Variants in HS3ST4 observed in about 807,000 individuals in gnomAD.
HS3ST4 encodes the protein heparan sulfate glucosamine 3-O-sulfotransferase 4.
In HS3ST4, 17 loss-of-function variants were observed where a neutral mutation model predicts 29.2. The ratio of observed to expected loss-of-function variants is 0.58; its 90% CI spans 0.40 to 0.87. The LOEUF (loss-of-function observed/expected upper bound fraction) is 0.87. Among genes scored for constraint, HS3ST4 ranks in the 40% least tolerant of loss-of-function variants. The pLI is 0.00. For synonymous variants in HS3ST4, 314 were observed against 285.7 expected (o/e 1.10, Z -1.00); for missense variants, 627 against 634.5 (o/e 0.99, Z 0.13).
rs371486866 is a variant in HS3ST4 at position 26,003,409 on chromosome 16, T to C, written c.735-132203T>C. ...GCTAATTTTCTCCAGGGATAATGAG[T>C]TCCAGGGATGGTTGGATCCTGGTAC... is the stretch of plus-strand genomic sequence containing the variant. On this transcript the variant is annotated intron_variant, in intron 1 of 1. Transcript: ENST00000331351. Among the ~76,000 whole-genome samples the C allele has an allele frequency of 1.1e-4, 16 of 152,314 alleles. No individual in the cohort carries two copies. The East Asian group carries it at 2.7e-3, about 26-fold the overall frequency.
intron 1 of HS3ST4, among the ~76,000 whole-genome samples, chr16:26,095,574 CA>C (rs1898913478): frequency 6.6e-6 from 1 of 152,144 alleles, no homozygotes; most frequent in South Asian, 2.1e-4. Context: ...CCAGTGAGAA[CA>C]AAGACACAAA....
intron 1 of HS3ST4, among the ~76,000 whole-genome samples, chr16:25,898,365 C>A (rs1311513847): frequency 6.6e-6 from 1 of 152,172 alleles, no homozygotes; most frequent in East Asian, 1.9e-4. Flanking sequence ...CTTTGTGAGA[C>A]CAATCTGATC....
At chr16:25,834,011 T>G (rs563855751) in intron 1 of HS3ST4, among the ~76,000 whole-genome samples, 25 of 152,182 alleles carry the variant, frequency 1.6e-4, no homozygotes, top group African/African-American at 6.0e-4. Flanking sequence ...GAAGATTAAT[T>G]GGCAAATTTG....
intron 1 of HS3ST4, among the ~76,000 whole-genome samples, chr16:25,732,261 A>G (rs1438904431): frequency 6.6e-6 from 1 of 152,154 alleles, no homozygotes; most frequent in Non-Finnish European, 1.5e-5. Flanking sequence ...AATAAGCATT[A>G]GTAAAAATTG....
intron 1 of HS3ST4, among the ~76,000 whole-genome samples, chr16:25,710,611 A>AT (rs1210154557): frequency 1.3e-5 from 2 of 151,894 alleles, no homozygotes; most frequent in Non-Finnish European, 2.9e-5. Flanking sequence ...TCCAGTCGCT[A>AT]TTAGGCCTAT....
intron 1 of HS3ST4, among the ~76,000 whole-genome samples, chr16:25,871,497 G>A (rs1967752367): frequency 6.6e-6 from 1 of 152,160 alleles, no homozygotes; most frequent in African/African-American, 2.4e-5. Flanking sequence ...CAGGAGCAAG[G>A]AAGGATAATA....
chr16:25,950,476 A>C (rs933076296), intron 1 of HS3ST4, among the ~76,000 whole-genome samples: 2 of 152,104 alleles, frequency 1.3e-5, no homozygotes, highest in Admixed American at 1.3e-4. Flanking sequence ...TCTTTGGATG[A>C]ATGGATGGTC....
chr16:25,870,795 G>A (rs1451324028), intron 1 of HS3ST4, among the ~76,000 whole-genome samples: 3 of 152,298 alleles, frequency 2.0e-5, no homozygotes, highest in Middle Eastern at 3.4e-3. Context: ...AGGCAAGAGA[G>A]GATGATGGCC....
At chr16:25,748,401 G>C (rs745635128) in intron 1 of HS3ST4, among the ~76,000 whole-genome samples, 3 of 152,198 alleles carry the variant, frequency 2.0e-5, no homozygotes, top group Non-Finnish European at 2.9e-5. Context: ...CCCTGGGAAA[G>C]TGTAGTGGCA....
intron 1 of HS3ST4, among the ~76,000 whole-genome samples, chr16:26,089,610 T>A: frequency 6.6e-6 from 1 of 152,232 alleles, no homozygotes; most frequent in Non-Finnish European, 1.5e-5. Context: ...TTCGCACACT[T>A]GGTCTTATTT....
At chr16:25,870,499 A>G (rs1967739466) in intron 1 of HS3ST4, among the ~76,000 whole-genome samples, 1 of 152,196 alleles carries the variant, frequency 6.6e-6, no homozygotes, top group Non-Finnish European at 1.5e-5. Flanking sequence ...CTGTATAGAC[A>G]GAAGGAACAG....
intron 1 of HS3ST4, among the ~76,000 whole-genome samples, chr16:25,973,608 G>C (rs1359042439): frequency 6.6e-6 from 1 of 152,162 alleles, no homozygotes; most frequent in Non-Finnish European, 1.5e-5. Flanking sequence ...ACTTAGTTCT[G>C]TGACCTTGGG....
At chr16:25,783,901 G>C (rs758786055) in intron 1 of HS3ST4, among the ~76,000 whole-genome samples, 12 of 150,906 alleles carry the variant, frequency 8.0e-5, no homozygotes, top group Non-Finnish European at 4.4e-5. Context: ...TGCAGATACT[G>C]TGTTTTTGTT....
At chr16:25,968,897 G>A (rs1316300720) in intron 1 of HS3ST4, among the ~76,000 whole-genome samples, 1 of 152,126 alleles carries the variant, frequency 6.6e-6, no homozygotes, top group African/African-American at 2.4e-5. Context: ...TCAGCTCACT[G>A]CAACCTCTGC....
At chr16:25,733,888 G>C (rs1330941336) in intron 1 of HS3ST4, among the ~76,000 whole-genome samples, 1 of 152,340 alleles carries the variant, frequency 6.6e-6, no homozygotes. Flanking sequence ...GGAGGCAGAA[G>C]CAGGCAGATC....
chr16:25,909,503 C>G (rs1301229617), intron 1 of HS3ST4, among the ~76,000 whole-genome samples: 2 of 152,120 alleles, frequency 1.3e-5, no homozygotes, highest in Non-Finnish European at 2.9e-5. Flanking sequence ...AAGGAGCTCC[C>G]AAGTGATCTT....
chr16:25,826,703 C>A (rs1447849799), intron 1 of HS3ST4, among the ~76,000 whole-genome samples: 1 of 151,994 alleles, frequency 6.6e-6, no homozygotes, highest in Admixed American at 6.6e-5. Flanking sequence ...GTGAGGTCAA[C>A]AAAGGAAGCA....
intron 1 of HS3ST4, among the ~76,000 whole-genome samples, chr16:25,833,070 A>C (rs1403232083): frequency 6.6e-6 from 1 of 152,158 alleles, no homozygotes; most frequent in African/African-American, 2.4e-5. Context: ...TTTCAGCTTC[A>C]GTTGGAGATT....
intron 1 of HS3ST4, among the ~76,000 whole-genome samples, chr16:26,017,862 C>T (rs536787612): frequency 5.9e-5 from 9 of 152,216 alleles, no homozygotes; most frequent in Non-Finnish European, 1.2e-4. Flanking sequence ...ACAAATGGTA[C>T]CAATGGGAGA....
Sources: allele counts gnomAD v4.1 joint callset (sites outside exome capture counted in the v4.1 genomes callset), GRCh38; gene constraint gnomAD v4.1.1; transcripts MANE v1.5; gene names NCBI Gene and HGNC (gene_info 2026-07-23, HGNC 2026-07-21).